Variants in YIPF1 observed in about 807,000 individuals in gnomAD.
YIPF1 encodes Yip1 domain family member 1.
YIPF1 carries 22 observed loss-of-function variants against 37.0 expected under a neutral mutation model. The ratio of observed to expected loss-of-function variants is 0.59; its 90% CI spans 0.42 to 0.85. YIPF1 has a LOEUF of 0.85. Ranked by LOEUF, YIPF1 falls within the 40% of genes least tolerant of loss-of-function variation. The pLI, the probability that YIPF1 is intolerant of heterozygous loss-of-function variation, is 0.00. For synonymous variants in YIPF1, 128 were observed against 131.9 expected (o/e 0.97, Z 0.21); for missense variants, 355 against 373.1 (o/e 0.95, Z 0.40).
rs1569653261 is a variant in YIPF1 at position 53,883,019 on chromosome 1, C to G, written c.195+94G>C. On this transcript the variant is annotated intron_variant, in intron 4 of 10. Transcript: ENST00000072644. ...GTCATTTACCTCTGAGCTGTCATTG[C>G]CTGACACTGTACCTGGCACACAGTA... 2.9e-6 allele frequency: 4 copies of G among 1,390,036 alleles called. No homozygotes were observed. The East Asian group carries it at 1.0e-4, about 36-fold the overall frequency. The allele number at this position is 1,390,036 out of a possible 1,614,324, so 86.1% of individuals were successfully genotyped here.
At chr1:53,861,640 G>A (rs1166474287) in intron 9 of YIPF1, among the ~76,000 whole-genome samples, 2 of 145,952 alleles carry the variant, frequency 1.4e-5, no homozygotes, top group East Asian at 2.1e-4. Flanking sequence ...AGGCAGGCAG[G>A]GAAGGAAGGA....
At position 53,870,160 on chromosome 1, in the gene YIPF1, CTTTT is replaced by C. The variant is rs753978320; in HGVS notation, c.481+1208_481+1211del. 2.1e-4 allele frequency among the ~76,000 whole-genome samples: 19 copies of C among 91,214 alleles called. 2 individuals carry two copies. Among genetic ancestry groups the C allele is most frequent in the African/African-American group, 7.5e-4 (17 of 22,614 alleles). 59.8% of individuals were successfully genotyped at this position (91,214 alleles called of 152,430 possible). A position where few individuals can be genotyped will look rare whatever the true frequency, so the allele number is the denominator to read the frequency against. ...AGGCTTGAGCCACCGCACCGGGTCTCTTTTTTTTTTTTTTTTTTTTTTTTTTTTT... is the reference window on the plus strand; with the variant it reads ...AGGCTTGAGCCACCGCACCGGGTCTCTTTTTTTTTTTTTTTTTTTTTTTTT... On this transcript the variant is annotated intron_variant, in intron 7 of 10. Transcript: ENST00000072644.
intron 9 of YIPF1, among the ~76,000 whole-genome samples, chr1:53,862,509 T>A (rs1237435268): frequency 6.6e-6 from 1 of 152,176 alleles, no homozygotes; most frequent in African/African-American, 2.4e-5. Context: ...CTCTAGGTGC[T>A]TCCTTAGTCA....
At position 53,883,297 on chromosome 1, in the gene YIPF1, C is replaced by A. The variant is rs150610861; in HGVS notation, c.32-21G>T. The A allele has an allele frequency of 9.2e-4, 1,392 of 1,521,004 alleles. 14 individuals carry two copies. In the African/African-American group the frequency reaches 0.018, roughly 19 times the overall value. 94.2% of individuals were successfully genotyped at this position (1,521,004 alleles called of 1,614,324 possible). On this transcript the variant is annotated intron_variant, in intron 3 of 10. Transcript: ENST00000072644. ...AAATTCTGAAATCAATTAGAGCACA[C>A]GGGCCTCAGAAACCTTACCCACACT...
In YIPF1 at chr1:53,866,810, A is replaced by G. The variant is rs755978274; in HGVS notation, c.596T>C (p.Leu199Pro). ...ATATCCATAGACACACACAATCTCC[A>G]GAAATGAATAGGAGACGATGTTCAT... is the stretch of plus-strand genomic sequence containing the variant. ...KVMNIVSYSF[L>P]EIVCVYGYSL... Residue 199 changes from leucine to proline, a missense_variant, in exon 8 of 11, where the codon CTG becomes CCG. Coordinates refer to ENST00000072644, the MANE Select transcript of YIPF1 (RefSeq NM_018982.5). 3 of 1,614,216 alleles carry G rather than the reference A, an allele frequency of 1.9e-6. No homozygotes were observed. The East Asian group carries it at 6.7e-5, about 36-fold the overall frequency.
intron 3 of YIPF1, among the ~76,000 whole-genome samples, chr1:53,888,179 T>C (rs1650707156): frequency 1.3e-5 from 2 of 152,118 alleles, no homozygotes; most frequent in South Asian, 4.1e-4. Context: ...CAAGCCAAGA[T>C]CGAGCCAAGG....
chr1:53,869,131 T>TTCTCTCTCTCTCTC (rs759374987), intron 7 of YIPF1, among the ~76,000 whole-genome samples: 88 of 139,606 alleles, frequency 6.3e-4, no homozygotes, highest in African/African-American at 2.4e-3. Flanking sequence ...CATGGATACA[T>TTCTCTCTCTCTCTC]TCTCTCTCTC....
chr1:53,887,435 G>C (rs1462112443), intron 3 of YIPF1, among the ~76,000 whole-genome samples: 1 of 151,870 alleles, frequency 6.6e-6, no homozygotes, highest in Admixed American at 6.6e-5. Flanking sequence ...AGAATGACAT[G>C]ATCTGCTTGA....
rs753978320 is a variant in YIPF1, at chr1:53,870,160, C to CTTTTTTTT, written c.481+1204_481+1211dup. Among the ~76,000 whole-genome samples the CTTTTTTTT allele has an allele frequency of 2.4e-4, 22 of 91,206 alleles. 1 individual carries two copies. Among genetic ancestry groups the CTTTTTTTT allele is most frequent in the South Asian group, 1.1e-3 (3 of 2,664 alleles). The allele number at this position is 91,206 out of a possible 152,430, so 59.8% of individuals were successfully genotyped here. A position where few individuals can be genotyped will look rare whatever the true frequency, so the allele number is the denominator to read the frequency against. On this transcript the variant is annotated intron_variant, in intron 7 of 10. Transcript: ENST00000072644. ...AGGCTTGAGCCACCGCACCGGGTCTCTTTTTTTTTTTTTTTTTTTTTTTTT... is the reference window on the plus strand; with the variant it reads ...AGGCTTGAGCCACCGCACCGGGTCTCTTTTTTTTTTTTTTTTTTTTTTTTTTTTTTTTT...
intron 2 of YIPF1, 70 bp from the exon 3 acceptor site, chr1:53,889,056 T>C: frequency 1.3e-6 from 1 of 796,828 alleles, no homozygotes; most frequent in Non-Finnish European, 2.1e-6. Flanking sequence ...TCTTATGTAT[T>C]AGAAATGGTA....
At chr1:53,861,566 AAGAG>A (rs954897327) in intron 9 of YIPF1, among the ~76,000 whole-genome samples, 2 of 149,534 alleles carry the variant, frequency 1.3e-5, no homozygotes, top group African/African-American at 4.9e-5. Flanking sequence ...GTGGTGACTC[AAGAG>A]AGAGAGAGAG....
intron 6 of YIPF1, among the ~76,000 whole-genome samples, chr1:53,874,235 C>G (rs1650275015): frequency 6.6e-6 from 1 of 152,118 alleles, no homozygotes; most frequent in Non-Finnish European, 1.5e-5. Flanking sequence ...AGGCTGGACT[C>G]CAGAGACTTA....
At chr1:53,855,997 C>A (rs1490212777) in intron 10 of YIPF1, among the ~76,000 whole-genome samples, 1 of 152,098 alleles carries the variant, frequency 6.6e-6, no homozygotes, top group Non-Finnish European at 1.5e-5. Context: ...AGATTAGAAG[C>A]CTTTATTTTT....
At chr1:53,859,343 G>A (rs1031409820) in intron 10 of YIPF1, among the ~76,000 whole-genome samples, 3 of 152,212 alleles carry the variant, frequency 2.0e-5, no homozygotes, top group African/African-American at 7.2e-5. Context: ...AATACAAAGT[G>A]TAATGGGATC....
chr1:53,878,646 T>A lies in YIPF1; in HGVS notation c.272A>T (p.Tyr91Phe), dbSNP rs1023036061. 1.2e-6 allele frequency: 2 copies of A among 1,603,096 alleles called. No homozygotes were observed. The highest frequency in any genetic ancestry group is 2.7e-5 in the African/African-American group (2 of 74,048). Residue 91 changes from tyrosine (Y) to phenylalanine (F), a missense_variant, in exon 5 of 11, where the codon TAC becomes TTC. Tyr to Phe is a conservative substitution (Grantham distance 22). Transcript: ENST00000072644. ...YYQTFFDVDT[Y>F]QVFDRIKGSL... ...AGGTGAAATTGGTTTCCAAACCTGG[T>A]AGGTGTCCACATCAAAGAATGTTTG...
chr1:53,853,089 A>G (rs1649636673), intron 10 of YIPF1, among the ~76,000 whole-genome samples: 1 of 152,176 alleles, frequency 6.6e-6, no homozygotes, highest in African/African-American at 2.4e-5. Context: ...TGAGGTTTCT[A>G]TCTTGGGTGA....
chr1:53,875,883 C>T (rs1048497085), intron 6 of YIPF1, among the ~76,000 whole-genome samples: 1 of 152,200 alleles, frequency 6.6e-6, no homozygotes, highest in East Asian at 1.9e-4. Context: ...TGTCCTTCTT[C>T]TCTCTGCTAT....
intron 9 of YIPF1, among the ~76,000 whole-genome samples, chr1:53,861,738 G>T (rs911123909): frequency 9.9e-5 from 15 of 152,198 alleles, no homozygotes; most frequent in African/African-American, 3.6e-4. Flanking sequence ...TCTCAGCTGG[G>T]TGTGGTGGCT....
At chr1:53,861,051 G>A (rs1267524137) in intron 9 of YIPF1, among the ~76,000 whole-genome samples, 1 of 152,182 alleles carries the variant, frequency 6.6e-6, no homozygotes, top group Non-Finnish European at 1.5e-5. Context: ...CACCAGCTCT[G>A]CTCTCTATCA....
Sources: allele counts gnomAD v4.1 joint callset (sites outside exome capture counted in the v4.1 genomes callset), GRCh38; gene constraint gnomAD v4.1.1; transcripts MANE v1.5; gene names NCBI Gene and HGNC (gene_info 2026-07-23, HGNC 2026-07-21).